The following LAMA4 variants were observed in gnomAD, a reference collection of about 807,000 sequenced individuals.
LAMA4 encodes laminin subunit alpha 4, also known as laminin subunit alpha-4.
A neutral mutation model predicts 207.1 loss-of-function variants in LAMA4; 127 were observed. The ratio of observed to expected loss-of-function variants is 0.61; its 90% CI spans 0.53 to 0.71. LAMA4 has a LOEUF of 0.71. LAMA4 is among the 30% of genes least tolerant of loss of function. LAMA4 has a pLI of 0.00. For synonymous variants in LAMA4, 761 were observed against 816.0 expected (o/e 0.93, Z 1.15); for missense variants, 2,093 against 2,246.5 (o/e 0.93, Z 1.38).
At chr6:112,208,040 A>G (rs538853190) in intron 3 of LAMA4, among the ~76,000 whole-genome samples, 2 of 152,356 alleles carry the variant, frequency 1.3e-5, no homozygotes, top group East Asian at 3.9e-4. Context: ...CAGTGAGCTA[A>G]CACACAAACA....
At chr6:112,135,139 C>T (rs187626782) in intron 25 of LAMA4, among the ~76,000 whole-genome samples, 22 of 151,998 alleles carry the variant, frequency 1.4e-4, no homozygotes, top group South Asian at 8.3e-4. Flanking sequence ...ATGTGTGTTA[C>T]GCACACTTAA....
chr6:112,129,925 C>A lies in LAMA4; in HGVS notation c.4084G>T (p.Ala1362Ser). The change falls in exon 30 of 39, where the codon GCT (alanine) becomes TCT (serine). Residue 1362 changes from alanine to serine, a missense_variant. By Grantham distance (99) the Ala-to-Ser change is moderately conservative. Transcript: ENST00000230538. ...KFYFGGSPISAQYANFTGCIS... is the reference protein window; with the variant it reads ...KFYFGGSPISSQYANFTGCIS... ...CAGCCAGTGAAATTAGCATACTGAGCACTGATTGGTGAGCCACCGAAGTAA... is the reference window on the plus strand; with the variant it reads ...CAGCCAGTGAAATTAGCATACTGAGAACTGATTGGTGAGCCACCGAAGTAA... 6.2e-7 allele frequency: 1 copy of A among 1,612,598 alleles called. No homozygotes were observed. Among genetic ancestry groups the A allele is most frequent in the Non-Finnish European group, 8.5e-7 (1 of 1,179,218 alleles).
At chr6:112,210,993 A>C (rs1784328797) in intron 3 of LAMA4, among the ~76,000 whole-genome samples, 1 of 152,202 alleles carries the variant, frequency 6.6e-6, no homozygotes, top group Non-Finnish European at 1.5e-5. Flanking sequence ...ATCTTTAATA[A>C]TCCTTAACAG....
In LAMA4 at chr6:112,142,128, T is replaced by C. The variant is rs1779732287; in HGVS notation, c.2658A>G (p.Gly886=). The part of the protein sequence containing the change: ...ETADQFILYL[G]SKNAKKEYMG... ...AAACTCATGTGCTTACGTTTTTGCT[T>C]CCGAGGTACAGGATAAACTGATCTG... Residue 886 remains glycine (G), a synonymous_variant, in exon 20 of 39, where the codon GGA becomes GGG. Transcript: ENST00000230538. 2.5e-6 allele frequency: 4 copies of C among 1,614,074 alleles called. No individual in the cohort carries two copies. The highest frequency in any genetic ancestry group is 3.4e-6 in the Non-Finnish European group (4 of 1,179,976).
At chr6:112,135,124 T>TGA in intron 25 of LAMA4, among the ~76,000 whole-genome samples, 1 of 152,124 alleles carries the variant, frequency 6.6e-6, no homozygotes, top group South Asian at 2.1e-4. Context: ...TGTGTGTGTG[T>TGA]GAGCATGTGT....
chr6:112,206,500 T>C (rs782340644), intron 4 of LAMA4, among the ~76,000 whole-genome samples: 9 of 152,230 alleles, frequency 5.9e-5, no homozygotes, highest in Non-Finnish European at 1.2e-4. Flanking sequence ...TTCCTTTAAC[T>C]ACTCATTCAG....
chr6:112,181,142 A>T (rs1415094046), intron 9 of LAMA4, among the ~76,000 whole-genome samples: 1 of 152,084 alleles, frequency 6.6e-6, no homozygotes, highest in Non-Finnish European at 1.5e-5. Flanking sequence ...CCACAGTCTC[A>T]GTTCATCCTT....
At chr6:112,150,674 C>T (rs564176719) in intron 16 of LAMA4, 47 bp from the exon 17 acceptor site, 18 of 1,305,008 alleles carry the variant, frequency 1.4e-5, no homozygotes, top group African/African-American at 2.9e-5. Flanking sequence ...CAAGATGCCT[C>T]GAAAAGGATT....
intron 18 of LAMA4, 47 bp from the exon 19 acceptor site, chr6:112,144,980 T>A: frequency 6.7e-7 from 1 of 1,497,540 alleles, no homozygotes; most frequent in Non-Finnish European, 9.2e-7. Context: ...CTCAATATTA[T>A]ATTTCAAGAA....
rs1554324465 is a variant in LAMA4, at chr6:112,117,815, GA to G, written c.4904del (p.Phe1635SerfsTer3). The G allele has an allele frequency of 6.2e-7, 1 of 1,613,764 alleles. No homozygotes were observed. Among genetic ancestry groups the G allele is most frequent in the South Asian group, 1.1e-5 (1 of 91,072 alleles). On this transcript the variant is annotated frameshift_variant, in exon 35 of 39. Coordinates refer to ENST00000230538, the MANE Select transcript of LAMA4 (RefSeq NM_001105206.3). LOFTEE classifies it high-confidence loss of function. This position sits in a 1 kb window ranked among gnomAD's most constrained non-coding sequence, Gnocchi z 4.5. ...GGCCTTCAAAGCAAGGGGTCACACT[GA>G]ATGTCTGAGAAGCAGAGGTGATGGA... is the stretch of plus-strand genomic sequence containing the variant. The part of the protein sequence containing the change: ...GASITSASQT[F>X]SVTPCFEGPM...
At chr6:112,125,788 T>C (rs1232782498) in intron 31 of LAMA4, among the ~76,000 whole-genome samples, 1 of 152,174 alleles carries the variant, frequency 6.6e-6, no homozygotes, top group African/African-American at 2.4e-5. Context: ...TAGAAGCAAC[T>C]GAAAGTCTAT....
intron 9 of LAMA4, among the ~76,000 whole-genome samples, chr6:112,180,349 C>T (rs1782284576): frequency 2.0e-5 from 3 of 152,120 alleles, no homozygotes; most frequent in Admixed American, 1.3e-4. Flanking sequence ...GTATATATGA[C>T]TGGATCAGTG....
intron 2 of LAMA4, among the ~76,000 whole-genome samples, chr6:112,249,745 A>G (rs976375919): frequency 3.9e-5 from 6 of 152,232 alleles, no homozygotes; most frequent in African/African-American, 1.4e-4. Flanking sequence ...TAAGTACTCA[A>G]CGAGTATCAG....
At chr6:112,157,761 T>C (rs145150494) in intron 14 of LAMA4, among the ~76,000 whole-genome samples, 6 of 152,326 alleles carry the variant, frequency 3.9e-5, no homozygotes, top group African/African-American at 1.2e-4. Context: ...TATAGTATAT[T>C]ATCAAAATAG....
intron 2 of LAMA4, among the ~76,000 whole-genome samples, chr6:112,224,103 C>T (rs1554361547): frequency 6.6e-6 from 1 of 152,184 alleles, no homozygotes; most frequent in African/African-American, 2.4e-5. Context: ...GCCTTCCTCT[C>T]ACATACCATG....
chr6:112,201,683 G>A lies in LAMA4; in HGVS notation c.428C>T (p.Ala143Val). ...PCPLPHLANF[A>V]ESCYRKNGAV... ...TCCATTTTTCCTATAGCAGGATTCT[G>A]CAAAACTAAAATTGGAAGCAAATAT... Residue 143 changes from alanine (A) to valine (V), a missense_variant, in exon 5 of 39, where the codon GCA (alanine) becomes GTA (valine). Transcript: ENST00000230538. The A allele has an allele frequency of 6.2e-7, 1 of 1,613,574 alleles. No individual in the cohort carries two copies. The highest frequency in any genetic ancestry group is 8.5e-7 in the Non-Finnish European group (1 of 1,179,588).
chr6:112,199,130 T>C (rs551236709), intron 5 of LAMA4, among the ~76,000 whole-genome samples: 2 of 152,282 alleles, frequency 1.3e-5, no homozygotes, highest in Admixed American at 6.5e-5. Context: ...GCAGAGCTCA[T>C]GAGCATCCTA....
chr6:112,171,315 GATGAGGAGAA>G (rs1217377139), intron 12 of LAMA4, among the ~76,000 whole-genome samples: 3 of 151,894 alleles, frequency 2.0e-5, no homozygotes, highest in Non-Finnish European at 4.4e-5. Flanking sequence ...TGTTATAGGT[GATGAGGAGAA>G]ATGAGAGGAT....
Position 112,129,006 on chromosome 6 carries a change from C to T in LAMA4, c.4203G>A (p.Glu1401=). ...ACAATGGTGAAGACTCAATGGGACA[C>T]TCATAAAGAGAAGTGTGGACCTTTT... is the stretch of plus-strand genomic sequence containing the variant. The part of the protein sequence containing the change: ...YTEKVHTSLY[E]CPIESSPLFL... The change falls in exon 31 of 39, where the codon GAG becomes GAA. Residue 1401 remains glutamate, a synonymous_variant. Coordinates refer to ENST00000230538, the MANE Select transcript of LAMA4 (RefSeq NM_001105206.3). 6.2e-7 allele frequency: 1 copy of T among 1,612,632 alleles called. No homozygotes were observed. The highest frequency in any genetic ancestry group is 8.5e-7 in the Non-Finnish European group (1 of 1,178,748).
Sources: gnomAD v4.1 joint callset for allele counts (sites outside exome capture counted in the v4.1 genomes callset) on GRCh38, gnomAD v4.1.1 for gene constraint, Gnocchi (gnomAD v3.1) non-coding constraint, MANE v1.5 for transcripts, NCBI Gene and HGNC (gene_info 2026-07-23, HGNC 2026-07-21) for gene names.